HIPK1: variants seen among roughly 807,000 people sequenced by gnomAD.
HIPK1 encodes homeodomain interacting protein kinase 1, also known as homeodomain-interacting protein kinase 1.
Under a neutral mutation model 117.1 loss-of-function variants are expected in HIPK1, and 28 were observed. The ratio of observed to expected loss-of-function variants is 0.24; its 90% CI spans 0.18 to 0.33. HIPK1 has a LOEUF of 0.33. Among genes scored for constraint, HIPK1 ranks in the 10% least tolerant of loss-of-function variants. The pLI is 1.00. For missense variants in HIPK1, 1,122 were observed against 1,475.1 expected, an observed-to-expected ratio of 0.76 and a Z score of 3.92; for synonymous variants, 605 against 562.5, an observed-to-expected ratio of 1.08 and a Z score of -1.07.
chr1:113,947,033 G>A lies in HIPK1; in HGVS notation c.1076+5574G>A, dbSNP rs1272883807. On this transcript the variant is annotated intron_variant, in intron 2 of 15. Coordinates refer to ENST00000426820, the MANE Select transcript of HIPK1 (RefSeq NM_198268.3). Reference sequence around the variant, plus strand: ...AAAAAACCTCTGTGAAATCTGTTTGGCTGGTGAAGCATTTTGACTCCAAAG... The same window carrying A: ...AAAAAACCTCTGTGAAATCTGTTTGACTGGTGAAGCATTTTGACTCCAAAG... 2.0e-5 allele frequency among the ~76,000 whole-genome samples: 3 copies of A among 152,104 alleles called. No individual in the cohort carries two copies. In the East Asian group the frequency reaches 5.8e-4, roughly 29 times the overall value.
intron 1 of HIPK1, chr1:113,933,255 G>A: frequency 1.1e-6 from 1 of 929,488 alleles, no homozygotes; most frequent in Non-Finnish European, 1.3e-6. Flanking sequence ...GTTAGGAAAA[G>A]AAAAGCCTAA....
At chr1:113,962,493 G>C in intron 9 of HIPK1, 55 bp downstream of exon 9, 3 of 1,557,738 alleles carry the variant, frequency 1.9e-6, no homozygotes, top group Non-Finnish European at 2.6e-6. Flanking sequence ...TTGAGATTCA[G>C]ATATTTTGTC....
chr1:113,948,158 A>G (rs1553450), intron 2 of HIPK1, among the ~76,000 whole-genome samples: 36,129 of 152,172 alleles, frequency 0.24, 4,369 homozygotes, highest in East Asian at 0.25. Flanking sequence ...CTTACTGTTC[A>G]GTAAAGTAGA....
chr1:113,963,454 C>A lies in HIPK1; in HGVS notation c.2171C>A (p.Ala724Glu). ...GTAGCCACCATCACACCGCAGTATG[C>A]GGTGCCCTTTACTCTGAGCTGCGCA... ...PQVATITPQY[A>E]VPFTLSCAAG... Residue 724 changes from alanine to glutamate, a missense_variant, in exon 10 of 16, where the codon GCG becomes GAG. Ala to Glu is a moderately radical substitution (Grantham distance 107). Transcript: ENST00000426820. 4 of 1,614,172 alleles carry A rather than the reference C, an allele frequency of 2.5e-6. No individual in the cohort carries two copies. Among genetic ancestry groups the A allele is most frequent in the Non-Finnish European group, 2.5e-6 (3 of 1,180,000 alleles).
intron 1 of HIPK1, among the ~76,000 whole-genome samples, chr1:113,937,471 A>G (rs200707399): frequency 1.3e-5 from 2 of 152,346 alleles, no homozygotes; most frequent in East Asian, 3.9e-4. Flanking sequence ...CATTAAAAAA[A>G]AAAAATCAAG....
intron 4 of HIPK1, 37 bp from the exon 5 acceptor site, chr1:113,955,526 C>T (rs1671660688): frequency 1.7e-6 from 2 of 1,207,916 alleles, no homozygotes; most frequent in Non-Finnish European, 2.4e-6. Flanking sequence ...AAATAACATA[C>T]AGATGGAATT....
intron 11 of HIPK1, among the ~76,000 whole-genome samples, chr1:113,967,000 T>C (rs945775552): frequency 1.3e-5 from 2 of 152,210 alleles, no homozygotes; most frequent in African/African-American, 4.8e-5. Context: ...TGTCTTTCTG[T>C]GTCTGGCTTA....
intron 1 of HIPK1, among the ~76,000 whole-genome samples, chr1:113,932,531 A>G (rs1303355152): frequency 6.6e-6 from 1 of 151,938 alleles, no homozygotes; most frequent in African/African-American, 2.4e-5. Context: ...GGCACGCACC[A>G]CCATGCCTGG....
chr1:113,973,181 C>A lies in HIPK1; in HGVS notation c.3302C>A (p.Ala1101Asp). Residue 1101 changes from alanine (A) to aspartate (D), a missense_variant, in exon 16 of 16, where the codon GCC (alanine) becomes GAC (aspartate). This residue lies in a region of HIPK1 where 731 missense variants were observed against 860.4 expected (regional missense o/e 0.85). Transcript: ENST00000426820. Reference protein sequence around the residue: ...HSTGHPHLAPAPAHLPSQAHL... With the variant: ...HSTGHPHLAPDPAHLPSQAHL... Reference sequence around the variant, plus strand: ...ACAGGGCACCCACACCTTGCCCCGGCCCCTGCTCACCTGCCAAGCCAGGCT... The same window carrying A: ...ACAGGGCACCCACACCTTGCCCCGGACCCTGCTCACCTGCCAAGCCAGGCT... The A allele has an allele frequency of 6.2e-7, 1 of 1,611,638 alleles. No homozygotes were observed.
intron 2 of HIPK1, among the ~76,000 whole-genome samples, chr1:113,948,596 C>G (rs1482650252): frequency 6.7e-6 from 1 of 148,892 alleles, no homozygotes; most frequent in African/African-American, 2.5e-5. Flanking sequence ...TTTGTTTTTC[C>G]TTTTGCTATT....
intron 2 of HIPK1, among the ~76,000 whole-genome samples, chr1:113,945,037 C>T (rs527937474): frequency 1.3e-5 from 2 of 151,668 alleles, no homozygotes; most frequent in African/African-American, 2.4e-5. Context: ...TTAGTAGAGA[C>T]GGGGTTTCAC....
rs377020839 is a variant in HIPK1, at chr1:113,940,585, C to A, written c.202C>A (p.Pro68Thr). The change falls in exon 2 of 16, where the codon CCT (proline) becomes ACT (threonine). Residue 68 changes from proline (P) to threonine (T), a missense_variant. Pro to Thr is a conservative substitution (Grantham distance 38). Transcript: ENST00000426820. ...TCACCAGGTAGCAAATTTCAACATCCCTGCTTACGACCAGGGCCTCCTCCT... is the reference window on the plus strand; with the variant it reads ...TCACCAGGTAGCAAATTTCAACATCACTGCTTACGACCAGGGCCTCCTCCT... ...SSHQVANFNI[P>T]AYDQGLLLPA... 2 of 1,614,198 alleles carry A rather than the reference C, an allele frequency of 1.2e-6. No homozygotes were observed. The highest frequency in any genetic ancestry group is 8.5e-7 in the Non-Finnish European group (1 of 1,180,042).
chr1:113,970,254 A>G (rs1672733414), intron 14 of HIPK1, 57 bp downstream of exon 14: 1 of 1,595,054 alleles, frequency 6.3e-7, no homozygotes, highest in Non-Finnish European at 8.6e-7. Context: ...GAATGCTTAA[A>G]TATTTTGCCA....
At chr1:113,966,663 A>G (rs943097875) in intron 11 of HIPK1, among the ~76,000 whole-genome samples, 1 of 152,168 alleles carries the variant, frequency 6.6e-6, no homozygotes, top group African/African-American at 2.4e-5. Context: ...GTTTTGACAC[A>G]GGCATGTAAT....
intron 14 of HIPK1, among the ~76,000 whole-genome samples, chr1:113,970,950 A>T (rs758780354): frequency 6.6e-6 from 1 of 152,212 alleles, no homozygotes; most frequent in Non-Finnish European, 1.5e-5. Context: ...CCCCACCTAG[A>T]TGCAAGTGAG....
Position 113,929,475 on chromosome 1 carries a change from C to G in HIPK1, c.-60C>G. On this transcript the variant is annotated 5_prime_UTR_variant, in exon 1 of 16. Transcript: ENST00000426820. ...CCTACTCGAGGCCCACCGACTCCTA[C>G]TGCAATCAGTACTATGCGATCGTCC... The G allele has an allele frequency of 7.8e-7, 1 of 1,289,430 alleles. No individual in the cohort carries two copies. The highest frequency in any genetic ancestry group is 1.0e-6 in the Non-Finnish European group (1 of 988,872). The allele number at this position is 1,289,430 out of a possible 1,614,324, so 79.9% of individuals were successfully genotyped here. A position where few individuals can be genotyped will look rare whatever the true frequency, so the allele number is the denominator to read the frequency against.
In HIPK1 at chr1:113,971,482, C is replaced by G. The variant is rs184513969; in HGVS notation, c.3014-342C>G. Among the ~76,000 whole-genome samples the G allele has an allele frequency of 5.3e-5, 8 of 152,342 alleles. No individual in the cohort carries two copies. The East Asian group carries it at 1.2e-3, about 22-fold the overall frequency. On this transcript the variant is annotated intron_variant, in intron 14 of 15. Transcript: ENST00000426820. Reference sequence around the variant, plus strand: ...CTTTCTCAGCTTCACATTATCATTTCTGTGCTTGTTTAATCCCTTCCTACA... The same window carrying G: ...CTTTCTCAGCTTCACATTATCATTTGTGTGCTTGTTTAATCCCTTCCTACA...
In HIPK1 at chr1:113,971,810, T is replaced by C; in HGVS notation, c.3014-14T>C. The stretch of plus-strand genomic sequence containing the variant: ...GATGTCTACTCATAACTATTAAGCC[T>C]GGTGCTTTTTTAGGTCTCCTGAGCA... On this transcript the variant is annotated splice_polypyrimidine_tract_variant and intron_variant, in intron 14 of 15. Coordinates refer to ENST00000426820, the MANE Select transcript of HIPK1 (RefSeq NM_198268.3). 9 of 1,589,568 alleles carry C rather than the reference T, an allele frequency of 5.7e-6. No individual in the cohort carries two copies. Among genetic ancestry groups the C allele is most frequent in the Non-Finnish European group, 7.7e-6 (9 of 1,172,634 alleles).
At chr1:113,966,088 A>C (rs764368808) in intron 10 of HIPK1, 42 bp from the exon 11 acceptor site, 1 of 1,572,272 alleles carries the variant, frequency 6.4e-7, no homozygotes, top group Non-Finnish European at 8.6e-7. Flanking sequence ...AAAGCCAAGA[A>C]TGAATCAAGT....
Sources: gnomAD v4.1 joint callset for allele counts (sites outside exome capture counted in the v4.1 genomes callset) on GRCh38, gnomAD v4.1.1 for gene constraint, gnomAD v4.1.1 regional missense constraint, MANE v1.5 for transcripts, NCBI Gene and HGNC (gene_info 2026-07-23, HGNC 2026-07-21) for gene names.